KHDRBS2: variants seen among roughly 807,000 people sequenced by gnomAD.
The protein encoded by KHDRBS2 is KH domain-containing, RNA-binding, signal transduction-associated protein 2.
Under a neutral mutation model 44.3 loss-of-function variants are expected in KHDRBS2, and 26 were observed. The ratio of observed to expected loss-of-function variants is 0.59; its 90% confidence interval spans 0.43 to 0.81. The LOEUF (loss-of-function observed/expected upper bound fraction) is 0.81. Among genes scored for constraint, KHDRBS2 ranks in the 40% least tolerant of loss-of-function variants. The pLI is 0.00. For missense variants in KHDRBS2, 476 were observed against 433.1 expected, an observed-to-expected ratio of 1.10 and a Z score of -0.88; for synonymous variants, 194 against 151.1, an observed-to-expected ratio of 1.28 and a Z score of -2.08.
chr6:62,127,257 T>C (rs1809186402), intron 2 of KHDRBS2, among the ~76,000 whole-genome samples: 1 of 152,180 alleles, frequency 6.6e-6, no homozygotes, highest in African/African-American at 2.4e-5. Flanking sequence ...TAGATATTCA[T>C]AATTCTATGT....
At chr6:61,982,776 A>C (rs1774128687) in intron 3 of KHDRBS2, among the ~76,000 whole-genome samples, 1 of 152,160 alleles carries the variant, frequency 6.6e-6, no homozygotes. Context: ...GTTAAGCAGA[A>C]CAAGAAGTAA....
At chr6:62,136,639 A>T (rs919420046) in intron 2 of KHDRBS2, among the ~76,000 whole-genome samples, 4 of 152,198 alleles carry the variant, frequency 2.6e-5, no homozygotes, top group Non-Finnish European at 5.9e-5. Context: ...TGAAAATAAC[A>T]CAAGAAAATC....
intron 1 of KHDRBS2, among the ~76,000 whole-genome samples, chr6:62,199,724 G>A (rs1266095287): frequency 1.3e-5 from 2 of 152,008 alleles, no homozygotes; most frequent in Non-Finnish European, 2.9e-5. Flanking sequence ...CACAGAATTC[G>A]AAAAAACTAC....
intron 3 of KHDRBS2, among the ~76,000 whole-genome samples, chr6:62,019,415 T>A: frequency 6.6e-6 from 1 of 152,142 alleles, no homozygotes; most frequent in East Asian, 1.9e-4. Context: ...ATGTGTTTTA[T>A]AATGTCCTTT....
intron 6 of KHDRBS2, among the ~76,000 whole-genome samples, chr6:61,825,176 T>C (rs1280295540): frequency 6.6e-6 from 1 of 152,186 alleles, no homozygotes; most frequent in Admixed American, 6.6e-5. Flanking sequence ...AACTAATTTA[T>C]GCTAAAACAG....
intron 4 of KHDRBS2, among the ~76,000 whole-genome samples, chr6:61,954,482 C>A (rs1765619436): frequency 7.7e-6 from 1 of 129,754 alleles, no homozygotes. Flanking sequence ...TGTATATACA[C>A]ATGCGTATGT....
At chr6:61,968,558 A>G (rs1455869757) in intron 4 of KHDRBS2, among the ~76,000 whole-genome samples, 6 of 152,080 alleles carry the variant, frequency 3.9e-5, no homozygotes, top group Non-Finnish European at 8.8e-5. Context: ...CACTAAAAGC[A>G]ATATTGGCAA....
chr6:62,061,070 T>C (rs1468498500), intron 2 of KHDRBS2, among the ~76,000 whole-genome samples: 1 of 151,964 alleles, frequency 6.6e-6, no homozygotes, highest in Non-Finnish European at 1.5e-5. Flanking sequence ...TGTGTGTCTC[T>C]GAAAGTTAGA....
At chr6:61,827,783 G>A (rs1370690265) in intron 6 of KHDRBS2, among the ~76,000 whole-genome samples, 4 of 152,116 alleles carry the variant, frequency 2.6e-5, no homozygotes, top group African/African-American at 7.2e-5. Flanking sequence ...AGAGACAGCA[G>A]GCTCTCTAGT....
chr6:61,843,001 A>G (rs1037159574), intron 6 of KHDRBS2, among the ~76,000 whole-genome samples: 4 of 141,084 alleles, frequency 2.8e-5, no homozygotes, highest in African/African-American at 9.9e-5. Flanking sequence ...GTTCAGCCAT[A>G]AAAAACAACA....
intron 4 of KHDRBS2, among the ~76,000 whole-genome samples, chr6:61,918,656 C>T (rs535429301): frequency 6.6e-6 from 1 of 152,006 alleles, no homozygotes; most frequent in South Asian, 2.1e-4. Flanking sequence ...TATAGTGTTC[C>T]GTTAGGACAG....
intron 6 of KHDRBS2, among the ~76,000 whole-genome samples, chr6:61,770,583 T>C (rs1445694363): frequency 1.3e-5 from 2 of 152,044 alleles, no homozygotes; most frequent in African/African-American, 4.8e-5. Flanking sequence ...AGAAAGGGTA[T>C]CAGTGATGGA....
chr6:61,693,824 A>AT (rs1459236680), intron 8 of KHDRBS2, among the ~76,000 whole-genome samples: 1 of 152,150 alleles, frequency 6.6e-6, no homozygotes, highest in African/African-American at 2.4e-5. Flanking sequence ...AAAGTACAAT[A>AT]TAAGACTCGG....
intron 1 of KHDRBS2, among the ~76,000 whole-genome samples, chr6:62,223,437 C>T (rs1246549646): frequency 3.3e-5 from 5 of 152,176 alleles, no homozygotes; most frequent in East Asian, 3.9e-4. Flanking sequence ...GAGGGGCTGC[C>T]GTGAAGACCT....
chr6:62,263,173 AC>A (rs1315114044), intron 1 of KHDRBS2, among the ~76,000 whole-genome samples: 3 of 151,746 alleles, frequency 2.0e-5, no homozygotes, highest in Non-Finnish European at 4.4e-5. Context: ...ACTTTGTTCA[AC>A]CTAATTTTAA....
intron 8 of KHDRBS2, 113 bp downstream of exon 8, chr6:61,697,062 CCCTGGAATTACATGAATCAA>C: frequency 1.4e-6 from 1 of 709,154 alleles, no homozygotes; most frequent in South Asian, 1.5e-5. Context: ...TCAAATCTCA[CCCTGGAATTACATGAATCAA>C]TTTAGTCTAG....
intron 2 of KHDRBS2, among the ~76,000 whole-genome samples, chr6:62,052,600 G>GT (rs991506447): frequency 4.5e-5 from 4 of 89,842 alleles, no homozygotes; most frequent in African/African-American, 1.1e-4. Flanking sequence ...TTTTCCACTG[G>GT]TGGGGTGGGG....
At chr6:62,239,097 C>A (rs1563116026) in intron 1 of KHDRBS2, among the ~76,000 whole-genome samples, 1 of 152,066 alleles carries the variant, frequency 6.6e-6, no homozygotes, top group East Asian at 1.9e-4. Flanking sequence ...TAAAAATGGA[C>A]TATGTAAATT....
At chr6:61,930,164 T>C (rs1321999349) in intron 4 of KHDRBS2, among the ~76,000 whole-genome samples, 2 of 152,056 alleles carry the variant, frequency 1.3e-5, no homozygotes, top group African/African-American at 4.8e-5. Context: ...AGATGCCATG[T>C]TGGAAGCAGA....
Sources: gnomAD v4.1 joint callset for allele counts (sites outside exome capture counted in the v4.1 genomes callset) on GRCh38, gnomAD v4.1.1 for gene constraint, MANE v1.5 for transcripts, NCBI Gene and HGNC (gene_info 2026-07-23, HGNC 2026-07-21) for gene names.